Variants in UPB1 observed in about 807,000 individuals in gnomAD.
The protein encoded by UPB1 is beta-ureidopropionase 1.
In UPB1, 40 loss-of-function variants were observed where a neutral mutation model predicts 49.1. The ratio of observed to expected loss-of-function variants is 0.81; its 90% CI spans 0.63 to 1.06. The LOEUF is 1.06. UPB1 is among the 50% of genes least tolerant of loss of function. UPB1 has a pLI of 0.00. For missense variants in UPB1, 499 were observed against 505.9 expected (o/e 0.99, Z 0.13); for synonymous variants, 207 against 198.2 (o/e 1.04, Z -0.38).
intron 3 of UPB1, 197 bp downstream of exon 3, chr22:24,502,410 T>C: frequency 1.3e-6 from 1 of 788,530 alleles, no homozygotes; most frequent in Non-Finnish European, 2.4e-6. Context: ...TTCCTTCAGT[T>C]TTCCCACATC....
Position 24,500,273 on chromosome 22 carries a change from G to A in UPB1, c.271G>A (p.Glu91Lys), listed in dbSNP as rs145021656. The A allele has an allele frequency of 4.3e-6, 7 of 1,614,142 alleles. No homozygotes were observed. The highest frequency in any genetic ancestry group is 5.9e-6 in the Non-Finnish European group (7 of 1,180,044). The change falls in exon 2 of 10, where the codon GAA becomes AAA. Residue 91 changes from glutamate to lysine, a missense_variant. Coordinates refer to ENST00000326010, the MANE Select transcript of UPB1 (RefSeq NM_016327.3). ...IPLPANAPVA[E>K]QVSALHRRIK... Reference sequence around the variant, plus strand: ...CCTCCCCGCAAATGCCCCTGTGGCAGAACAGGTGCAGACTCTTTTGACCAT... The same window carrying A: ...CCTCCCCGCAAATGCCCCTGTGGCAAAACAGGTGCAGACTCTTTTGACCAT...
At position 24,505,584 on chromosome 22, in the gene UPB1, G is replaced by T. The variant is rs2044075013; in HGVS notation, c.364+3371G>T. Among the ~76,000 whole-genome samples the T allele has an allele frequency of 1.3e-5, 2 of 152,140 alleles. 1 individual carries two copies. Among genetic ancestry groups the T allele is most frequent in the South Asian group, 4.1e-4 (2 of 4,834 alleles). On this transcript the variant is annotated intron_variant, in intron 3 of 9. Coordinates refer to ENST00000326010, the MANE Select transcript of UPB1 (RefSeq NM_016327.3). ...TTGCTTTCATCTGCCCTGCTCCAAA[G>T]CCAGAGAGCCTCTGCTGAACCATCT... is the stretch of plus-strand genomic sequence containing the variant.
rs118158397 is a variant in UPB1 at position 24,496,114 on chromosome 22, A to G, written c.104+607A>G. Among the ~76,000 whole-genome samples the G allele has an allele frequency of 1.9e-3, 291 of 152,190 alleles. 3 individuals are homozygous for G. The East Asian group carries it at 0.045, about 24-fold the overall frequency. ...CTTCCTGGCCGGGCTCACACCTGTA[A>G]TCTCAGCACTTTGGGAGGCCAGGGC... On this transcript the variant is annotated intron_variant, in intron 1 of 9. Transcript: ENST00000326010.
rs964376457 is a variant in UPB1 at position 24,527,258 on chromosome 22, A to C, written c.*1464A>C. Reference sequence around the variant, plus strand: ...ATAATCCCAGCTACTCAGCAGGCTGAGGTATGAGAATTGCTTGAATCTGGG... The same window carrying C: ...ATAATCCCAGCTACTCAGCAGGCTGCGGTATGAGAATTGCTTGAATCTGGG... On this transcript the variant is annotated 3_prime_UTR_variant, in exon 10 of 10. Transcript: ENST00000326010. 1 of 152,062 alleles carries C rather than the reference A, an allele frequency of 6.6e-6. No homozygotes were observed. The highest frequency in any genetic ancestry group is 1.5e-5 in the Non-Finnish European group (1 of 68,090). The allele number at this position is 152,062 out of a possible 1,614,324, so 9.4% of individuals were successfully genotyped here.
At chr22:24,510,955 G>T in intron 4 of UPB1, 112 bp downstream of exon 4, 1 of 1,095,352 alleles carries the variant, frequency 9.1e-7, no homozygotes, top group Non-Finnish European at 1.4e-6. Context: ...CCCATTTGGT[G>T]CTTGTTTTGC....
intron 6 of UPB1, 37 bp downstream of exon 6, chr22:24,515,407 G>A: frequency 6.2e-7 from 1 of 1,613,754 alleles, no homozygotes; most frequent in South Asian, 1.1e-5. Context: ...GCTTCCTGGG[G>A]CCCAGCCAGC....
intron 3 of UPB1, among the ~76,000 whole-genome samples, chr22:24,508,027 G>A (rs536195073): frequency 5.3e-5 from 8 of 152,204 alleles, no homozygotes; most frequent in South Asian, 2.1e-4. Context: ...CCCCTCCGCC[G>A]TATGGGGGAG....
Position 24,511,598 on chromosome 22 carries a change from TTATATA to T in UPB1, c.459+771_459+776del, listed in dbSNP as rs764546743. 8.4e-4 allele frequency among the ~76,000 whole-genome samples: 115 copies of T among 136,392 alleles called. 3 individuals carry two copies. Among genetic ancestry groups the T allele is most frequent in the African/African-American group, 1.0e-3 (37 of 36,336 alleles). 89.5% of individuals were successfully genotyped at this position (136,392 alleles called of 152,430 possible). On this transcript the variant is annotated intron_variant, in intron 4 of 9. Transcript: ENST00000326010. ...TAAAGTGAATCTTATGCTCTGTGAA[TTATATA>T]TATATATATATATATTTTTTTTTTT...
chr22:24,525,984 A>G lies in UPB1; in HGVS notation c.*190A>G, dbSNP rs376357553. On this transcript the variant is annotated 3_prime_UTR_variant, in exon 10 of 10. Coordinates refer to ENST00000326010, the MANE Select transcript of UPB1 (RefSeq NM_016327.3). ...GTAAGGGGCTGCTTACTTCTGGGGT[A>G]TTGGAAATGTTTGGGGACTAGGTAG... 11 of 669,390 alleles carry G rather than the reference A, an allele frequency of 1.6e-5. No individual in the cohort carries two copies. Among genetic ancestry groups the G allele is most frequent in the Middle Eastern group, 8.0e-4 (2 of 2,504 alleles). The allele number at this position is 669,390 out of a possible 1,614,324, so 41.5% of individuals were successfully genotyped here. A position where few individuals can be genotyped will look rare whatever the true frequency, so the allele number is the denominator to read the frequency against.
At chr22:24,506,228 C>T (rs2044088677) in intron 3 of UPB1, among the ~76,000 whole-genome samples, 1 of 151,996 alleles carries the variant, frequency 6.6e-6, no homozygotes, top group Admixed American at 6.5e-5. Flanking sequence ...ACCATGTTGG[C>T]CAGGCTGGTC....
chr22:24,519,268 C>T lies in UPB1; in HGVS notation c.792-1119C>T, dbSNP rs143970723. ...CTGAGAATTAGGCTTATGACAAGCACCCACCCCCTCCACCTACTCCCTGGT... is the reference window on the plus strand; with the variant it reads ...CTGAGAATTAGGCTTATGACAAGCATCCACCCCCTCCACCTACTCCCTGGT... On this transcript the variant is annotated intron_variant, in intron 6 of 9. Coordinates refer to ENST00000326010, the MANE Select transcript of UPB1 (RefSeq NM_016327.3). Among the ~76,000 whole-genome samples, 16 of 152,148 alleles carry T rather than the reference C, an allele frequency of 1.1e-4. 1 individual carries two copies. In the East Asian group the frequency reaches 2.9e-3, roughly 28 times the overall value.
intron 3 of UPB1, among the ~76,000 whole-genome samples, chr22:24,509,174 C>T (rs1223390616): frequency 1.3e-5 from 2 of 152,062 alleles, no homozygotes; most frequent in African/African-American, 2.4e-5. Context: ...AAGGTAACTC[C>T]ATGCACTGCA....
At chr22:24,522,862 T>G (rs2044419571) in intron 8 of UPB1, among the ~76,000 whole-genome samples, 2 of 149,752 alleles carry the variant, frequency 1.3e-5, no homozygotes, top group African/African-American at 5.0e-5. Flanking sequence ...GAGAATTGCT[T>G]GAACCCAGGA....
At chr22:24,517,684 A>G (rs2147033752) in intron 6 of UPB1, among the ~76,000 whole-genome samples, 1 of 152,352 alleles carries the variant, frequency 6.6e-6, no homozygotes, top group African/African-American at 2.4e-5. Flanking sequence ...GGCTTATTAA[A>G]AATGATTGAT....
chr22:24,520,353 C>T lies in UPB1; in HGVS notation c.792-34C>T, dbSNP rs372240373. On this transcript the variant is annotated intron_variant, in intron 6 of 9. Transcript: ENST00000326010. ...CATCCACTGAGTCTGCCTGGAAAGTCGGCAACCTGGTTCCTCTTGGTCCTC... is the reference window on the plus strand; with the variant it reads ...CATCCACTGAGTCTGCCTGGAAAGTTGGCAACCTGGTTCCTCTTGGTCCTC... 80 of 1,611,840 alleles carry T rather than the reference C, an allele frequency of 5.0e-5. 1 individual carries two copies. Among genetic ancestry groups the T allele is most frequent in the Middle Eastern group, 3.3e-4 (2 of 6,082 alleles).
chr22:24,498,558 T>C (rs1198538538), intron 1 of UPB1, among the ~76,000 whole-genome samples: 1 of 152,000 alleles, frequency 6.6e-6, no homozygotes, highest in Non-Finnish European at 1.5e-5. Context: ...CTGTATTACC[T>C]TGGCTTAGAA....
intron 4 of UPB1, among the ~76,000 whole-genome samples, chr22:24,511,806 C>T (rs952383525): frequency 1.8e-4 from 27 of 151,668 alleles, no homozygotes; most frequent in Middle Eastern, 3.4e-3. Flanking sequence ...TTAGTAGAGA[C>T]GGGGTTTCAC....
chr22:24,525,628 C>T (rs2044470289), intron 9 of UPB1, 83 bp from the exon 10 acceptor site: 1 of 1,543,664 alleles, frequency 6.5e-7, no homozygotes, highest in Non-Finnish European at 9.0e-7. Context: ...TGACTGCCCT[C>T]CAGTGGCAAG....
intron 7 of UPB1, 91 bp downstream of exon 7, chr22:24,520,559 C>G: frequency 6.9e-7 from 1 of 1,445,902 alleles, no homozygotes. Context: ...GCCACAAATC[C>G]TAGGGTCCGG....
Sources: gnomAD v4.1 joint callset for allele counts (sites outside exome capture counted in the v4.1 genomes callset) on GRCh38, gnomAD v4.1.1 for gene constraint, MANE v1.5 for transcripts, NCBI Gene and HGNC (gene_info 2026-07-23, HGNC 2026-07-21) for gene names.